Variants in STK3 observed in about 807,000 individuals in gnomAD.
STK3 encodes the protein serine/threonine-protein kinase 3.
STK3 carries 41 observed loss-of-function variants against 58.0 expected under a neutral mutation model. That is an observed-to-expected ratio of 0.71 (90% CI 0.55 to 0.92). STK3 has a LOEUF of 0.92. Ranked by LOEUF, STK3 falls within the 40% of genes least tolerant of loss-of-function variation. STK3 has a pLI of 0.00. For missense variants in STK3, 479 were observed against 602.7 expected (o/e 0.79, Z 2.15); for synonymous variants, 170 against 191.0 (o/e 0.89, Z 0.91).
intron 8 of STK3, among the ~76,000 whole-genome samples, chr8:98,561,131 CA>C (rs1211679546): frequency 2.6e-5 from 4 of 151,876 alleles, no homozygotes; most frequent in African/African-American, 4.8e-5. Flanking sequence ...ACAGTACTGG[CA>C]AAAGAATACA....
intron 3 of STK3, among the ~76,000 whole-genome samples, chr8:98,863,993 G>C (rs1455888236): frequency 6.6e-6 from 1 of 151,832 alleles, no homozygotes; most frequent in Non-Finnish European, 1.5e-5. Context: ...TCAGGAGATG[G>C]AGACCATCCT....
intron 3 of STK3, among the ~76,000 whole-genome samples, chr8:98,762,980 G>A (rs1488660479): frequency 6.6e-6 from 1 of 152,086 alleles, no homozygotes; most frequent in Non-Finnish European, 1.5e-5. Context: ...AAAGCTCTAG[G>A]TCTCATTTTC....
intron 3 of STK3, among the ~76,000 whole-genome samples, chr8:98,762,025 T>A (rs961731903): frequency 3.9e-5 from 6 of 152,140 alleles, no homozygotes; most frequent in African/African-American, 1.4e-4. Context: ...CCAGCAAATC[T>A]AACTCATCAA....
chr8:98,382,933 C>T (rs1000811697), intron 1 of STK3, among the ~76,000 whole-genome samples: 4 of 152,176 alleles, frequency 2.6e-5, no homozygotes, highest in African/African-American at 9.6e-5. Flanking sequence ...GCTGGGCCGC[C>T]TGCCTCCCAC....
At chr8:98,654,669 A>C (rs1821318699) in intron 6 of STK3, among the ~76,000 whole-genome samples, 1 of 152,184 alleles carries the variant, frequency 6.6e-6, no homozygotes, top group Admixed American at 6.5e-5. Context: ...CAAAAATCAC[A>C]AGCATTCTTA....
intron 9 of STK3, among the ~76,000 whole-genome samples, chr8:98,527,630 T>A (rs764593923): frequency 2.1e-4 from 32 of 151,750 alleles, no homozygotes; most frequent in South Asian, 4.2e-4. Context: ...AATTAAAAAA[T>A]ATATATATAT....
intron 7 of STK3, among the ~76,000 whole-genome samples, chr8:98,582,731 T>C (rs1020511982): frequency 2.6e-5 from 4 of 152,174 alleles, no homozygotes; most frequent in Non-Finnish European, 4.4e-5. Flanking sequence ...TATCTCATAC[T>C]GGCGTTACAT....
At chr8:98,898,829 G>A (rs1264731038) in intron 1 of STK3, among the ~76,000 whole-genome samples, 1 of 152,152 alleles carries the variant, frequency 6.6e-6, no homozygotes, top group Admixed American at 6.5e-5. Context: ...AGTACACAGG[G>A]AGTAAAAGTG....
intron 6 of STK3, among the ~76,000 whole-genome samples, chr8:98,655,562 G>A (rs1287314662): frequency 6.6e-6 from 1 of 151,632 alleles, no homozygotes; most frequent in Non-Finnish European, 1.5e-5. Flanking sequence ...TACAACATGG[G>A]AGAAAATTTT....
At chr8:98,589,541 C>G (rs1563775536) in intron 7 of STK3, among the ~76,000 whole-genome samples, 1 of 152,246 alleles carries the variant, frequency 6.6e-6, no homozygotes. Context: ...GAGGTTACTG[C>G]TGTCTTTTTG....
At chr8:98,564,387 C>A (rs1369203188) in intron 8 of STK3, among the ~76,000 whole-genome samples, 1 of 151,944 alleles carries the variant, frequency 6.6e-6, no homozygotes, top group Non-Finnish European at 1.5e-5. Context: ...TATATACATA[C>A]CATGTGAAAT....
intron 10 of STK3, among the ~76,000 whole-genome samples, chr8:98,497,858 GTGCAGTCACT>G (rs1160269296): frequency 6.6e-6 from 1 of 152,124 alleles, no homozygotes; most frequent in Non-Finnish European, 1.5e-5. Flanking sequence ...ATGTAAAATG[GTGCAGTCACT>G]TTGAAAAACA....
At chr8:98,732,090 C>G (rs1160248167) in intron 4 of STK3, among the ~76,000 whole-genome samples, 2 of 152,000 alleles carry the variant, frequency 1.3e-5, no homozygotes, top group African/African-American at 4.8e-5. Context: ...ATAAAAAGTT[C>G]AGTTAGAAAA....
At chr8:98,474,376 G>A (rs113686185) in intron 10 of STK3, among the ~76,000 whole-genome samples, 97 of 152,274 alleles carry the variant, frequency 6.4e-4, no homozygotes, top group Admixed American at 1.1e-3. Context: ...AAATCCAAAT[G>A]CGGCCTTGCC....
rs758576795 is a variant in STK3, at chr8:98,455,955, G to A, written c.1363C>T (p.Leu455=). Residue 455 remains leucine (L), a synonymous_variant, in exon 11 of 11, where the codon CTG becomes TTG. Coordinates refer to ENST00000419617, the MANE Select transcript of STK3 (RefSeq NM_006281.4). The part of the protein sequence containing the change: ...LEELQMRLKA[L]DPMMEREIEE... Reference sequence around the variant, plus strand: ...ATCTCCCGTTCCATCATGGGGTCCAGTGCTTTTAACCGCATCTGTAGTTCT... The same window carrying A: ...ATCTCCCGTTCCATCATGGGGTCCAATGCTTTTAACCGCATCTGTAGTTCT... 6.2e-6 allele frequency: 10 copies of A among 1,612,738 alleles called. No homozygotes were observed. Among genetic ancestry groups the A allele is most frequent in the Non-Finnish European group, 7.6e-6 (9 of 1,179,488 alleles).
chr8:98,660,442 T>C (rs538351926), intron 6 of STK3, among the ~76,000 whole-genome samples: 2 of 152,038 alleles, frequency 1.3e-5, no homozygotes, highest in Admixed American at 6.6e-5. Context: ...AAGAGCTTTT[T>C]AAAAGAATGT....
intron 3 of STK3, among the ~76,000 whole-genome samples, chr8:98,858,941 T>C (rs927972913): frequency 2.8e-5 from 4 of 143,434 alleles, no homozygotes; most frequent in African/African-American, 1.0e-4. Context: ...CTGGCAGCAA[T>C]GTGAATAAAT....
the STK3 span, among the ~76,000 whole-genome samples, chr8:98,347,514 C>CA: frequency 4.7e-4 from 57 of 120,166 alleles, no homozygotes; most frequent in East Asian, 2.3e-3. Flanking sequence ...GACTCCGTCT[C>CA]AAAAAAAAAC....
intron 4 of STK3, among the ~76,000 whole-genome samples, chr8:98,730,733 A>C (rs920662887): frequency 1.3e-5 from 2 of 151,774 alleles, no homozygotes; most frequent in African/African-American, 4.8e-5. Context: ...AAAAAAAAAA[A>C]AAAAACACCT....
Sources: allele counts gnomAD v4.1 joint callset (sites outside exome capture counted in the v4.1 genomes callset), GRCh38; gene constraint gnomAD v4.1.1; transcripts MANE v1.5; gene names NCBI Gene and HGNC (gene_info 2026-07-23, HGNC 2026-07-21).